Variants in GFRA1 observed in about 807,000 individuals in gnomAD.
The protein encoded by GFRA1 is GDNF family receptor alpha-1.
In GFRA1, 16 loss-of-function variants were observed where a neutral mutation model predicts 51.6. The observed-to-expected ratio is 0.31, with a 90% CI of 0.21 to 0.47. The LOEUF (loss-of-function observed/expected upper bound fraction) is 0.47, where lower values mean the gene tolerates loss of function less well. Among genes scored for constraint, GFRA1 ranks in the 20% least tolerant of loss-of-function variants. The probability of loss-of-function intolerance (pLI) is 1.00; values close to 1 mark genes in which losing one functional copy is unlikely to be tolerated. For synonymous variants in GFRA1, 270 were observed against 241.3 expected (o/e 1.12, Z -1.10); for missense variants, 530 against 594.3 (o/e 0.89, Z 1.13).
rs773344299 is a variant in GFRA1 at position 116,070,759 on chromosome 10, C to CTTTT, written c.1198-5137_1198-5134dup. 2.1e-3 allele frequency among the ~76,000 whole-genome samples: 203 copies of CTTTT among 97,670 alleles called. 2 individuals carry two copies. Among genetic ancestry groups the CTTTT allele is most frequent in the African/African-American group, 8.9e-3 (187 of 21,052 alleles). 64.1% of individuals were successfully genotyped at this position (97,670 alleles called of 152,430 possible). On this transcript the variant is annotated intron_variant, in intron 9 of 10. Transcript: ENST00000355422. ...GGTGGCCCACCTAGAAGTCTGGAGC[C>CTTTT]TTTTTTTTTTTTTTTTTTTTTTGGC...
intron 5 of GFRA1, among the ~76,000 whole-genome samples, chr10:116,164,208 T>A (rs540917597): frequency 1.1e-4 from 16 of 152,184 alleles, no homozygotes; most frequent in Non-Finnish European, 2.1e-4. Context: ...CCCGAACTCC[T>A]CATTGCTGGA....
At chr10:116,084,648 G>A (rs979093705) in intron 9 of GFRA1, among the ~76,000 whole-genome samples, 10 of 152,194 alleles carry the variant, frequency 6.6e-5, no homozygotes, top group Admixed American at 3.9e-4. Flanking sequence ...ATCAGAGGTC[G>A]ACAAACACCA....
intron 4 of GFRA1, among the ~76,000 whole-genome samples, chr10:116,266,200 G>C (rs538005285): frequency 6.6e-6 from 1 of 152,162 alleles, no homozygotes; most frequent in African/African-American, 2.4e-5. Context: ...TGTTCCTTGC[G>C]AGGATTCAGC....
At position 116,194,033 on chromosome 10, in the gene GFRA1, C is replaced by T. The variant is rs575783651; in HGVS notation, c.433+17598G>A. Among the ~76,000 whole-genome samples, 19 of 139,318 alleles carry T rather than the reference C, an allele frequency of 1.4e-4. No homozygotes were observed. The East Asian group carries it at 2.3e-3, about 17-fold the overall frequency. The allele number at this position is 139,318 out of a possible 152,430, so 91.4% of individuals were successfully genotyped here. On this transcript the variant is annotated intron_variant, in intron 5 of 10. Transcript: ENST00000355422. ...CAGCCTGGGCCACAGAGGGAGACTC[C>T]GTCTCAATAAAAAAAAATAAATAAA... is the stretch of plus-strand genomic sequence containing the variant.
intron 4 of GFRA1, among the ~76,000 whole-genome samples, chr10:116,241,780 C>T (rs1967401809): frequency 6.6e-6 from 1 of 152,146 alleles, no homozygotes; most frequent in Non-Finnish European, 1.5e-5. Flanking sequence ...GTTCTGCAGG[C>T]TAGCTAGAAA....
intron 4 of GFRA1, among the ~76,000 whole-genome samples, chr10:116,231,948 T>C (rs1421333850): frequency 1.3e-5 from 2 of 152,214 alleles, no homozygotes; most frequent in Middle Eastern, 3.4e-3. Context: ...CTGTCTAGAG[T>C]TGAACAAGTA....
chr10:116,065,550 G>A, intron 10 of GFRA1, 23 bp downstream of exon 10: 1 of 1,594,458 alleles, frequency 6.3e-7, no homozygotes, highest in Non-Finnish European at 8.6e-7. Context: ...AATGCACGAA[G>A]CCTCCAAAAG....
At chr10:116,189,344 C>G (rs1052798390) in intron 5 of GFRA1, among the ~76,000 whole-genome samples, 2 of 152,108 alleles carry the variant, frequency 1.3e-5, no homozygotes, top group Non-Finnish European at 2.9e-5. Flanking sequence ...TTGACCAACA[C>G]GTCCTGTTTA....
intron 5 of GFRA1, among the ~76,000 whole-genome samples, chr10:116,150,961 G>A (rs986122761): frequency 6.6e-6 from 1 of 151,542 alleles, no homozygotes; most frequent in Admixed American, 6.6e-5. Flanking sequence ...GCCTCAAAGA[G>A]CATGTTTATG....
At chr10:116,174,519 T>C (rs1024632201) in intron 5 of GFRA1, among the ~76,000 whole-genome samples, 1 of 152,220 alleles carries the variant, frequency 6.6e-6, no homozygotes, top group African/African-American at 2.4e-5. Context: ...CCTTTCTTTA[T>C]AAAACTCCAT....
intron 9 of GFRA1, among the ~76,000 whole-genome samples, chr10:116,077,754 A>T (rs1246809478): frequency 6.6e-6 from 1 of 152,240 alleles, no homozygotes; most frequent in Non-Finnish European, 1.5e-5. Flanking sequence ...TGGCAATATG[A>T]TAACAGCTGC....
chr10:116,213,249 G>T (rs1298057213), intron 4 of GFRA1, among the ~76,000 whole-genome samples: 2 of 152,176 alleles, frequency 1.3e-5, no homozygotes, highest in African/African-American at 2.4e-5. Context: ...CAAAACACTG[G>T]ATGTTGCCTG....
At chr10:116,086,789 C>A (rs866183239) in intron 9 of GFRA1, among the ~76,000 whole-genome samples, 1 of 152,104 alleles carries the variant, frequency 6.6e-6, no homozygotes, top group African/African-American at 2.4e-5. Flanking sequence ...AAACAGCAGC[C>A]CAGAGATAAA....
chr10:116,197,422 TATA>T (rs2134367038), intron 5 of GFRA1, among the ~76,000 whole-genome samples: 1 of 152,344 alleles, frequency 6.6e-6, no homozygotes, highest in East Asian at 1.9e-4. Context: ...CTCAGTTGTT[TATA>T]AGCTACCCAA....
intron 9 of GFRA1, among the ~76,000 whole-genome samples, chr10:116,070,541 G>A (rs562050979): frequency 4.6e-5 from 7 of 152,258 alleles, no homozygotes; most frequent in African/African-American, 1.7e-4. Context: ...ACTGAGCAGA[G>A]GAACCTGCTT....
chr10:116,145,531 G>A (rs1291262505), intron 5 of GFRA1, among the ~76,000 whole-genome samples: 1 of 152,182 alleles, frequency 6.6e-6, no homozygotes, highest in Non-Finnish European at 1.5e-5. Flanking sequence ...GTTGCATTGA[G>A]AAGGGTGATC....
intron 4 of GFRA1, among the ~76,000 whole-genome samples, chr10:116,212,523 AACACACACAC>A (rs71010072): frequency 0.29 from 40,721 of 142,590 alleles, 5,840 homozygotes; most frequent in South Asian, 0.38. Context: ...TCCGTCTCAA[AACACACACAC>A]ACACACACAC....
intron 7 of GFRA1, among the ~76,000 whole-genome samples, chr10:116,096,021 C>T (rs578157143): frequency 2.0e-5 from 3 of 152,174 alleles, no homozygotes; most frequent in South Asian, 2.1e-4. Flanking sequence ...GGCAGTCATG[C>T]GTAATCACAC....
intron 5 of GFRA1, among the ~76,000 whole-genome samples, chr10:116,205,474 C>A (rs890519467): frequency 5.3e-5 from 8 of 151,616 alleles, no homozygotes; most frequent in African/African-American, 1.9e-4. Flanking sequence ...ACTCAGGAGG[C>A]TGAGGCAGGA....
Sources: gnomAD v4.1 joint callset for allele counts (sites outside exome capture counted in the v4.1 genomes callset) on GRCh38, gnomAD v4.1.1 for gene constraint, MANE v1.5 for transcripts, NCBI Gene and HGNC (gene_info 2026-07-23, HGNC 2026-07-21) for gene names.